Variants in FRMD4B observed in about 807,000 individuals in gnomAD.
FRMD4B encodes the protein FERM domain-containing protein 4B.
FRMD4B carries 74 observed loss-of-function variants against 141.5 expected under a neutral mutation model. The ratio of observed to expected loss-of-function variants is 0.52; its 90% confidence interval spans 0.43 to 0.63. The LOEUF (loss-of-function observed/expected upper bound fraction) is 0.63, where lower values mean the gene tolerates loss of function less well. FRMD4B is among the 30% of genes least tolerant of loss of function. The pLI is 0.00. For synonymous variants in FRMD4B, 506 were observed against 467.9 expected (o/e 1.08, Z -1.05); for missense variants, 1,366 against 1,253.4 (o/e 1.09, Z -1.36).
intron 1 of FRMD4B, among the ~76,000 whole-genome samples, chr3:69,481,107 G>A (rs373360507): frequency 6.6e-6 from 1 of 152,314 alleles, no homozygotes; most frequent in African/African-American, 2.4e-5. Flanking sequence ...TCCAGGTGCT[G>A]TCTGTCACCC....
chr3:69,540,630 A>ATAT (rs1346369708), intron 1 of FRMD4B, among the ~76,000 whole-genome samples: 7 of 74,724 alleles, frequency 9.4e-5, no homozygotes, highest in East Asian at 9.0e-4. Flanking sequence ...AAAAAAAAAA[A>ATAT]AAAAAAATAT....
intron 1 of FRMD4B, among the ~76,000 whole-genome samples, chr3:69,332,923 A>G (rs1235004498): frequency 6.6e-6 from 1 of 151,966 alleles, no homozygotes; most frequent in African/African-American, 2.4e-5. Flanking sequence ...CCTCGTCCTT[A>G]ACAAGAGCAT....
At chr3:69,411,879 G>A (rs1431407626) in intron 2 of FRMD4B, among the ~76,000 whole-genome samples, 1 of 152,190 alleles carries the variant, frequency 6.6e-6, no homozygotes, top group East Asian at 1.9e-4. Flanking sequence ...CTGACTGAGT[G>A]ATTTTTAAGT....
intron 8 of FRMD4B, among the ~76,000 whole-genome samples, chr3:69,222,467 CAAAAAA>C (rs11293743): frequency 4.2e-5 from 4 of 95,024 alleles, no homozygotes; most frequent in Non-Finnish European, 7.6e-5. Flanking sequence ...AAATCCATCT[CAAAAAA>C]AAAAAAAAAA....
At chr3:69,221,414 T>C (rs1023997913) in intron 9 of FRMD4B, among the ~76,000 whole-genome samples, 1 of 152,188 alleles carries the variant, frequency 6.6e-6, no homozygotes, top group Non-Finnish European at 1.5e-5. Flanking sequence ...GGACAAAACA[T>C]GGCTTCTAGA....
At chr3:69,253,604 C>T (rs571605335) in intron 5 of FRMD4B, among the ~76,000 whole-genome samples, 1 of 152,284 alleles carries the variant, frequency 6.6e-6, no homozygotes, top group East Asian at 1.9e-4. Flanking sequence ...TTTAGACATA[C>T]TTGAGAAACT....
intron 5 of FRMD4B, among the ~76,000 whole-genome samples, chr3:69,275,094 G>A (rs1340122753): frequency 6.6e-6 from 1 of 152,144 alleles, no homozygotes; most frequent in Non-Finnish European, 1.5e-5. Context: ...TGCTAAAAGT[G>A]TAACAAAACT....
chr3:69,325,655 A>T (rs939506558), intron 1 of FRMD4B, among the ~76,000 whole-genome samples: 1 of 152,186 alleles, frequency 6.6e-6, no homozygotes, highest in Non-Finnish European at 1.5e-5. Context: ...AATGGAAAGG[A>T]TAAAAAATCA....
chr3:69,483,334 G>C (rs762239946), intron 1 of FRMD4B, among the ~76,000 whole-genome samples: 7 of 152,190 alleles, frequency 4.6e-5, no homozygotes, highest in Non-Finnish European at 8.8e-5. Context: ...AATCTTAAGA[G>C]CTGCTTCTTT....
At chr3:69,219,733 G>A (rs1008340983) in intron 9 of FRMD4B, among the ~76,000 whole-genome samples, 3 of 151,902 alleles carry the variant, frequency 2.0e-5, no homozygotes, top group African/African-American at 7.3e-5. Flanking sequence ...TAGAGATTAG[G>A]GCCAGCATCC....
chr3:69,498,781 C>T (rs763332549), intron 1 of FRMD4B, among the ~76,000 whole-genome samples: 8 of 152,100 alleles, frequency 5.3e-5, no homozygotes, highest in Non-Finnish European at 1.0e-4. Context: ...GGCTCACAGG[C>T]ACTCATTATT....
At position 69,281,611 on chromosome 3, in the gene FRMD4B, G is replaced by A. The variant is rs2093644787; in HGVS notation, c.501+6141C>T. 2.6e-5 allele frequency among the ~76,000 whole-genome samples: 4 copies of A among 151,914 alleles called. No individual in the cohort carries two copies. The South Asian group carries it at 8.3e-4, about 31-fold the overall frequency. ...GAGGCTGAGGCGGGTGGATCACCAG[G>A]TCAGGAGTTCGAGACCAGCCTGACC... On this transcript the variant is annotated intron_variant, in intron 5 of 22. Transcript: ENST00000398540.
At chr3:69,386,933 C>T (rs17005793), upstream of FRMD4B, among the ~76,000 whole-genome samples, 3,309 of 152,320 alleles carry the variant, frequency 0.022, 124 homozygotes, top group African/African-American at 0.075. Context: ...CTGGACATGT[C>T]TAACCTCACC....
chr3:69,316,916 G>C (rs889492407), intron 1 of FRMD4B, among the ~76,000 whole-genome samples: 1 of 152,198 alleles, frequency 6.6e-6, no homozygotes, highest in Admixed American at 6.5e-5. Flanking sequence ...GAGGTCAGGA[G>C]TTCAAGGCCA....
intron 1 of FRMD4B, among the ~76,000 whole-genome samples, chr3:69,344,051 A>G (rs891638642): frequency 1.3e-5 from 2 of 152,226 alleles, no homozygotes; most frequent in South Asian, 2.1e-4. Flanking sequence ...GTACATACCC[A>G]GGGAATATGT....
chr3:69,219,971 C>G (rs1575622986), intron 9 of FRMD4B, among the ~76,000 whole-genome samples: 1 of 152,310 alleles, frequency 6.6e-6, no homozygotes, highest in South Asian at 2.1e-4. Flanking sequence ...TGTATGGCTA[C>G]ATAGTATTCC....
At chr3:69,281,739 G>A (rs1391740717) in intron 5 of FRMD4B, among the ~76,000 whole-genome samples, 3 of 151,116 alleles carry the variant, frequency 2.0e-5, no homozygotes, top group Non-Finnish European at 4.4e-5. Flanking sequence ...CAGGAGAATC[G>A]CTTGAACCCA....
intron 1 of FRMD4B, among the ~76,000 whole-genome samples, chr3:69,343,924 A>G (rs1217565585): frequency 2.0e-5 from 3 of 152,142 alleles, no homozygotes; most frequent in African/African-American, 7.2e-5. Flanking sequence ...TTGCAAATGA[A>G]CTAAAAGTCA....
At chr3:69,203,051 A>T (rs1434288207) in intron 11 of FRMD4B, among the ~76,000 whole-genome samples, 1 of 151,936 alleles carries the variant, frequency 6.6e-6, no homozygotes, top group Non-Finnish European at 1.5e-5. Context: ...AAATATTGTC[A>T]TCACAAGAAA....
Sources: gnomAD v4.1 joint callset for allele counts (sites outside exome capture counted in the v4.1 genomes callset) on GRCh38, gnomAD v4.1.1 for gene constraint, MANE v1.5 for transcripts, NCBI Gene and HGNC (gene_info 2026-07-23, HGNC 2026-07-21) for gene names.